Variants in PCDH15 observed in about 807,000 individuals in gnomAD.
PCDH15 encodes protocadherin related 15.
Under a neutral mutation model 178.5 loss-of-function variants are expected in PCDH15, and 129 were observed. That is an observed-to-expected ratio of 0.72 (90% CI 0.63 to 0.84). PCDH15 has a LOEUF of 0.84. Among genes scored for constraint, PCDH15 ranks in the 40% least tolerant of loss-of-function variants. The pLI, the probability that PCDH15 is intolerant of heterozygous loss-of-function variation, is 0.00. For synonymous variants in PCDH15, 800 were observed against 732.0 expected, an observed-to-expected ratio of 1.09 and a Z score of -1.50; for missense variants, 2,230 against 2,099.9, an observed-to-expected ratio of 1.06 and a Z score of -1.21.
intron 5 of PCDH15, among the ~76,000 whole-genome samples, chr10:54,357,374 C>A (rs1179764738): frequency 6.6e-6 from 1 of 152,082 alleles, no homozygotes; most frequent in Non-Finnish European, 1.5e-5. Context: ...CAATAACAGA[C>A]AAATAGAGAG....
At position 55,537,322 on chromosome 10, in the gene PCDH15, AAATT is replaced by A. The variant is rs1464503567; in HGVS notation, c.-156+90299_-156+90302del. On this transcript the variant is annotated intron_variant, in intron 2 of 5. Transcript: ENST00000613346. ...GTGCCATCATTTTTTGCTCTTGCTT[AAATT>A]ATTTGCTACATTTCATTCTATATAG... is the stretch of plus-strand genomic sequence containing the variant. Among the ~76,000 whole-genome samples the A allele has an allele frequency of 2.6e-5, 4 of 152,246 alleles. No homozygotes were observed. The East Asian group carries it at 5.8e-4, about 22-fold the overall frequency.
chr10:54,436,216 A>C (rs985487155), intron 3 of PCDH15, among the ~76,000 whole-genome samples: 3 of 152,190 alleles, frequency 2.0e-5, no homozygotes, highest in African/African-American at 7.2e-5. Flanking sequence ...AAGTCATAAA[A>C]GTGAATTAGA....
chr10:54,266,605 A>G (rs1324518506), intron 8 of PCDH15, among the ~76,000 whole-genome samples: 2 of 152,006 alleles, frequency 1.3e-5, no homozygotes, highest in Admixed American at 1.3e-4. Context: ...ACAATCAGCA[A>G]TAACAAAGGC....
chr10:55,450,436 T>C (rs912737260), intron 2 of PCDH15, among the ~76,000 whole-genome samples: 4 of 152,186 alleles, frequency 2.6e-5, no homozygotes, highest in African/African-American at 7.2e-5. Flanking sequence ...TCTGCTGAGT[T>C]TGACAGCCCT....
intron 29 of PCDH15, among the ~76,000 whole-genome samples, chr10:53,836,538 G>A (rs1589016226): frequency 6.6e-6 from 1 of 152,184 alleles, no homozygotes; most frequent in South Asian, 2.1e-4. Flanking sequence ...CTAAGACTGA[G>A]TTGACACCAT....
intron 23 of PCDH15, among the ~76,000 whole-genome samples, chr10:53,952,220 T>C (rs1406394889): frequency 1.3e-5 from 2 of 152,200 alleles, no homozygotes; most frequent in African/African-American, 4.8e-5. Flanking sequence ...CTTTCAGTCC[T>C]GCCATTCAGC....
At chr10:54,706,559 C>T (rs530641910) in intron 1 of PCDH15, among the ~76,000 whole-genome samples, 2 of 152,180 alleles carry the variant, frequency 1.3e-5, no homozygotes, top group Non-Finnish European at 2.9e-5. Flanking sequence ...ACCTACCATA[C>T]CTGGAGAATA....
intron 1 of PCDH15, among the ~76,000 whole-genome samples, chr10:55,290,383 T>TA (rs1359408160): frequency 2.7e-5 from 4 of 150,244 alleles, no homozygotes; most frequent in Non-Finnish European, 5.9e-5. Flanking sequence ...ACAATAAAGG[T>TA]ATTGGGGTGA....
At chr10:54,354,509 C>G (rs933401623) in intron 5 of PCDH15, among the ~76,000 whole-genome samples, 2 of 152,028 alleles carry the variant, frequency 1.3e-5, no homozygotes, top group African/African-American at 2.4e-5. Context: ...GTAAGAGGAA[C>G]TAGAGATTAG....
chr10:54,703,865 C>A lies in PCDH15; in HGVS notation c.-28-39575G>T, dbSNP rs560528874. On this transcript the variant is annotated intron_variant, in intron 1 of 37. Transcript: ENST00000644397. ...CCTAACTTCAAACTACAGTGTAAGGCTGCAATAACCAAAACAGCATGGTAT... is the reference window on the plus strand; with the variant it reads ...CCTAACTTCAAACTACAGTGTAAGGATGCAATAACCAAAACAGCATGGTAT... 9.9e-5 allele frequency among the ~76,000 whole-genome samples: 15 copies of A among 152,198 alleles called. No individual in the cohort carries two copies. In the East Asian group the frequency reaches 1.5e-3, roughly 16 times the overall value.
intron 2 of PCDH15, among the ~76,000 whole-genome samples, chr10:55,367,627 A>AC (rs916785691): frequency 2.0e-5 from 3 of 152,066 alleles, no homozygotes; most frequent in African/African-American, 4.8e-5. Flanking sequence ...AAACAAACAA[A>AC]AAAAAGAGGT....
intron 2 of PCDH15, among the ~76,000 whole-genome samples, chr10:54,917,037 T>A (rs149520845): frequency 7.5e-4 from 114 of 152,218 alleles, no homozygotes; most frequent in African/African-American, 2.7e-3. Flanking sequence ...AATTAGAAAT[T>A]TAGAAGACAT....
chr10:55,528,953 T>C (rs1304922090), intron 2 of PCDH15, among the ~76,000 whole-genome samples: 1 of 152,146 alleles, frequency 6.6e-6, no homozygotes, highest in Non-Finnish European at 1.5e-5. Flanking sequence ...ATTGTGGTTT[T>C]TATTTGCATT....
chr10:53,999,008 G>A (rs1008428368), intron 20 of PCDH15, among the ~76,000 whole-genome samples: 7 of 146,102 alleles, frequency 4.8e-5, no homozygotes, highest in African/African-American at 5.1e-5. Context: ...AGCCGAGATC[G>A]CGCCATTGCA....
chr10:55,210,374 T>C (rs1840526051), intron 1 of PCDH15, among the ~76,000 whole-genome samples: 2 of 151,906 alleles, frequency 1.3e-5, no homozygotes, highest in Admixed American at 6.6e-5. Flanking sequence ...AATACATATG[T>C]TAATTTTTTT....
At chr10:55,151,934 T>A (rs769641236) in intron 2 of PCDH15, among the ~76,000 whole-genome samples, 14 of 151,848 alleles carry the variant, frequency 9.2e-5, no homozygotes, top group Non-Finnish European at 2.1e-4. Flanking sequence ...TTAACAAGGA[T>A]GAGAGGTAAA....
intron 1 of PCDH15, among the ~76,000 whole-genome samples, chr10:55,287,946 G>A (rs1034559864): frequency 2.0e-5 from 3 of 151,580 alleles, no homozygotes; most frequent in Non-Finnish European, 4.4e-5. Context: ...ACTAGAACAA[G>A]GCTGAGTTCA....
chr10:54,023,488 T>C (rs1284158468), intron 18 of PCDH15, among the ~76,000 whole-genome samples: 1 of 149,754 alleles, frequency 6.7e-6, no homozygotes, highest in East Asian at 1.9e-4. Context: ...CTTATGATTT[T>C]AATAGGTTTT....
intron 26 of PCDH15, among the ~76,000 whole-genome samples, chr10:53,888,068 A>G (rs2081225554): frequency 6.6e-6 from 1 of 151,678 alleles, no homozygotes; most frequent in South Asian, 2.1e-4. Flanking sequence ...GGTTGTAAGA[A>G]AGAAGAGAAT....
Sources: gnomAD v4.1 joint callset for allele counts (sites outside exome capture counted in the v4.1 genomes callset) on GRCh38, gnomAD v4.1.1 for gene constraint, MANE v1.5 for transcripts, NCBI Gene and HGNC (gene_info 2026-07-23, HGNC 2026-07-21) for gene names.